Variants in FAM120B observed in about 807,000 individuals in gnomAD.
The protein encoded by FAM120B is constitutive coactivator of peroxisome proliferator-activated receptor gamma.
FAM120B carries 83 observed loss-of-function variants against 96.3 expected under a neutral mutation model. The observed-to-expected ratio is 0.86, with a 90% CI of 0.72 to 1.03. The LOEUF (loss-of-function observed/expected upper bound fraction) is 1.03, where lower values mean the gene tolerates loss of function less well. FAM120B is among the 50% of genes least tolerant of loss of function. The probability of loss-of-function intolerance (pLI) is 0.00; values close to 1 mark genes in which losing one functional copy is unlikely to be tolerated. For missense variants in FAM120B, 1,027 were observed against 1,121.2 expected, an observed-to-expected ratio of 0.92 and a Z score of 1.20; for synonymous variants, 407 against 402.7, an observed-to-expected ratio of 1.01 and a Z score of -0.13.
chr6:170,318,901 C>T lies in FAM120B; in HGVS notation c.1511C>T (p.Ser504Phe), dbSNP rs1583192069. ...GAAATTATGTGTACAGGCCATGAATCCAAACAGGAAGTTCCCATATGTACA... is the reference window on the plus strand; with the variant it reads ...GAAATTATGTGTACAGGCCATGAATTCAAACAGGAAGTTCCCATATGTACA... ...RQEIMCTGHE[S>F]KQEVPICTDP... Residue 504 changes from serine (S) to phenylalanine (F), a missense_variant, in exon 2 of 11, where the codon TCC (serine) becomes TTC (phenylalanine). By Grantham distance (155) the Ser-to-Phe change is radical. Around this residue, in one of 3 missense-constraint regions of FAM120B, gnomAD observed 880 missense variants for 980.9 expected, o/e 0.90. Coordinates refer to ENST00000476287, the MANE Select transcript of FAM120B (RefSeq NM_032448.3). 2 of 1,614,166 alleles carry T rather than the reference C, an allele frequency of 1.2e-6. No homozygotes were observed. Among genetic ancestry groups the T allele is most frequent in the East Asian group, 2.2e-5 (1 of 44,878 alleles).
At chr6:170,306,436 T>C (rs540551361), upstream of FAM120B, 2 of 152,404 alleles carry the variant, frequency 1.3e-5, no homozygotes, top group African/African-American at 4.8e-5. Context: ...AAGACCGGCA[T>C]GCAGCGTCAA....
At chr6:170,371,528 T>C (rs901516409) in intron 6 of FAM120B, among the ~76,000 whole-genome samples, 3 of 152,198 alleles carry the variant, frequency 2.0e-5, no homozygotes, top group African/African-American at 4.8e-5. Context: ...CCTTTTGCCA[T>C]GATAAGAAGC....
Position 170,330,410 on chromosome 6 carries a change from T to C in FAM120B, c.1916-39T>C, listed in dbSNP as rs368601653. On this transcript the variant is annotated intron_variant, in intron 3 of 10. Transcript: ENST00000476287. ...GTGACACTGTGAGCCTGGCGATGCATGCCCTCATGCATCTACTGACCCAAC... is the reference window on the plus strand; with the variant it reads ...GTGACACTGTGAGCCTGGCGATGCACGCCCTCATGCATCTACTGACCCAAC... The C allele has an allele frequency of 5.9e-6, 9 of 1,517,834 alleles. No individual in the cohort carries two copies. In the African/African-American group the frequency reaches 9.6e-5, roughly 16 times the overall value. 94.0% of individuals were successfully genotyped at this position (1,517,834 alleles called of 1,614,324 possible).
intron 5 of FAM120B, among the ~76,000 whole-genome samples, chr6:170,352,732 G>C (rs917161033): frequency 1.3e-5 from 2 of 152,084 alleles, no homozygotes; most frequent in African/African-American, 2.4e-5. Context: ...CAGAATCTCT[G>C]GGCTGCAGCT....
chr6:170,333,286 CCTT>C (rs1388299996), intron 4 of FAM120B, among the ~76,000 whole-genome samples: 1 of 151,622 alleles, frequency 6.6e-6, no homozygotes, highest in African/African-American at 2.4e-5. Context: ...AAAAGAGGCC[CCTT>C]CTTCCGTGTG....
At chr6:170,328,434 A>G (rs1785752138) in intron 3 of FAM120B, among the ~76,000 whole-genome samples, 1 of 152,140 alleles carries the variant, frequency 6.6e-6, no homozygotes, top group Non-Finnish European at 1.5e-5. Flanking sequence ...TTGGGGGGGT[A>G]TAGTTTTGCT....
At chr6:170,333,849 A>G (rs890459993) in intron 4 of FAM120B, among the ~76,000 whole-genome samples, 1 of 152,060 alleles carries the variant, frequency 6.6e-6, no homozygotes, top group African/African-American at 2.4e-5. Context: ...ACTACATTTC[A>G]TTTCTTTTAC....
At chr6:170,335,510 T>C (rs1345276532) in intron 4 of FAM120B, among the ~76,000 whole-genome samples, 2 of 152,212 alleles carry the variant, frequency 1.3e-5, no homozygotes, top group African/African-American at 4.8e-5. Context: ...AGTACTGCAG[T>C]AAACATACGT....
chr6:170,319,713 C>T (rs1217804474), intron 2 of FAM120B, among the ~76,000 whole-genome samples: 6 of 152,104 alleles, frequency 3.9e-5, no homozygotes, highest in Admixed American at 3.9e-4. Context: ...AGAACTGGAG[C>T]CAGACCTTAA....
At chr6:170,331,260 G>T (rs1365255155) in intron 4 of FAM120B, among the ~76,000 whole-genome samples, 1 of 152,110 alleles carries the variant, frequency 6.6e-6, no homozygotes, top group Non-Finnish European at 1.5e-5. Flanking sequence ...TATTTTTAGT[G>T]GCTCATGTCA....
chr6:170,334,171 C>T (rs1460786849), intron 4 of FAM120B, among the ~76,000 whole-genome samples: 2 of 152,040 alleles, frequency 1.3e-5, no homozygotes, highest in Non-Finnish European at 2.9e-5. Flanking sequence ...TAAGCATATC[C>T]TTATTTTAGA....
intron 9 of FAM120B, among the ~76,000 whole-genome samples, chr6:170,399,805 C>A (rs890125427): frequency 7.1e-6 from 1 of 141,236 alleles, no homozygotes; most frequent in African/African-American, 2.7e-5. Context: ...GAAGGTAGAA[C>A]TATGTCATAA....
At chr6:170,394,162 G>T (rs1208558686) in intron 8 of FAM120B, among the ~76,000 whole-genome samples, 1 of 152,186 alleles carries the variant, frequency 6.6e-6, no homozygotes, top group Non-Finnish European at 1.5e-5. Context: ...CATCACGGCA[G>T]GAAGGTGGGT....
intron 6 of FAM120B, among the ~76,000 whole-genome samples, chr6:170,387,133 C>T (rs1790229027): frequency 1.3e-5 from 2 of 152,112 alleles, no homozygotes; most frequent in South Asian, 4.1e-4. Context: ...TTTTTAAAAA[C>T]GAGTGTTGTT....
chr6:170,354,267 T>C lies in FAM120B; in HGVS notation c.2191-3959T>C, dbSNP rs1005148656. On this transcript the variant is annotated intron_variant, in intron 5 of 10. Transcript: ENST00000476287. ...CCTTCATTACACTATATACAAAAATTAACTCAAGATGGATTAAAGACTTAA... is the reference window on the plus strand; with the variant it reads ...CCTTCATTACACTATATACAAAAATCAACTCAAGATGGATTAAAGACTTAA... 8.5e-5 allele frequency among the ~76,000 whole-genome samples: 13 copies of C among 152,118 alleles called. 1 individual carries two copies. Among genetic ancestry groups the C allele is most frequent in the African/African-American group, 3.1e-4 (13 of 41,410 alleles).
intron 4 of FAM120B, among the ~76,000 whole-genome samples, chr6:170,340,691 TTGTTAA>T (rs1469251651): frequency 8.5e-5 from 13 of 152,218 alleles, no homozygotes; most frequent in Non-Finnish European, 1.3e-4. Context: ...GGTGTCCTTT[TTGTTAA>T]TGTTGATGCT....
intron 1 of FAM120B, among the ~76,000 whole-genome samples, chr6:170,314,198 G>A (rs1046503904): frequency 6.6e-5 from 10 of 152,256 alleles, no homozygotes; most frequent in Non-Finnish European, 1.2e-4. Context: ...GCCTGCTGCA[G>A]CTCCTTACTG....
chr6:170,361,955 G>A (rs967347809), intron 6 of FAM120B, among the ~76,000 whole-genome samples: 16 of 151,842 alleles, frequency 1.1e-4, no homozygotes, highest in East Asian at 3.9e-4. Flanking sequence ...CACCACACCC[G>A]GCTAATTTTT....
intron 8 of FAM120B, among the ~76,000 whole-genome samples, chr6:170,393,614 C>G (rs1046357981): frequency 2.6e-5 from 4 of 152,194 alleles, no homozygotes; most frequent in Non-Finnish European, 4.4e-5. Context: ...GGAAACTGTT[C>G]CCTTTTTTGT....
Sources: allele counts gnomAD v4.1 joint callset (sites outside exome capture counted in the v4.1 genomes callset), GRCh38; gene constraint gnomAD v4.1.1; regional missense constraint gnomAD v4.1.1; transcripts MANE v1.5; gene names NCBI Gene and HGNC (gene_info 2026-07-23, HGNC 2026-07-21).